Variants in KAZN observed in about 807,000 individuals in gnomAD.
The protein encoded by KAZN is kazrin.
A neutral mutation model predicts 87.4 loss-of-function variants in KAZN; 40 were observed. That is an observed-to-expected ratio of 0.46 (90% CI 0.36 to 0.60). The LOEUF (loss-of-function observed/expected upper bound fraction) is 0.60. KAZN is among the 20% of genes least tolerant of loss of function. The pLI is 0.00. For synonymous variants in KAZN, 466 were observed against 458.3 expected, an observed-to-expected ratio of 1.02 and a Z score of -0.22; for missense variants, 898 against 1,073.9, an observed-to-expected ratio of 0.84 and a Z score of 2.29.
chr1:15,002,382 C>G (rs1279715039), intron 2 of KAZN, among the ~76,000 whole-genome samples: 1 of 152,148 alleles, frequency 6.6e-6, no homozygotes, highest in Non-Finnish European at 1.5e-5. Flanking sequence ...GGCCAAGAGT[C>G]AATGGGTCTG....
At chr1:15,009,625 C>T (rs749638469) in intron 2 of KAZN, among the ~76,000 whole-genome samples, 10 of 152,174 alleles carry the variant, frequency 6.6e-5, no homozygotes, top group Non-Finnish European at 8.8e-5. Flanking sequence ...AGGAAGAGAG[C>T]GAGGACAAGG....
exon 1 of KAZN, chr1:13,893,574 C>A: frequency 6.6e-7 from 1 of 1,507,278 alleles, no homozygotes; most frequent in Non-Finnish European, 8.9e-7. Context: ...CTCAGATCTG[C>A]AGTTCCTGGG....
intron 1 of KAZN, among the ~76,000 whole-genome samples, chr1:14,699,398 G>A (rs1455305650): frequency 6.6e-6 from 1 of 152,212 alleles, no homozygotes; most frequent in Non-Finnish European, 1.5e-5. Context: ...GATACTCTGT[G>A]TTCATTTCAA....
chr1:14,662,575 A>G (rs1395325036), intron 1 of KAZN, among the ~76,000 whole-genome samples: 1 of 151,960 alleles, frequency 6.6e-6, no homozygotes, highest in African/African-American at 2.4e-5. Context: ...AGCTAAGTAC[A>G]TTTCTGTTTT....
At chr1:15,080,676 T>A (rs1033543883) in intron 8 of KAZN, among the ~76,000 whole-genome samples, 1 of 152,224 alleles carries the variant, frequency 6.6e-6, no homozygotes, top group Non-Finnish European at 1.5e-5. Flanking sequence ...ATGAAGTGTT[T>A]AAAAAATGAG....
chr1:14,186,521 G>A (rs1646310149), intron 2 of KAZN, among the ~76,000 whole-genome samples: 1 of 152,158 alleles, frequency 6.6e-6, no homozygotes, highest in South Asian at 2.1e-4. Context: ...GCGTGCTGTG[G>A]TTAGGACAAC....
At chr1:14,271,724 G>A (rs1035559443) in intron 2 of KAZN, among the ~76,000 whole-genome samples, 1 of 152,136 alleles carries the variant, frequency 6.6e-6, no homozygotes, top group African/African-American at 2.4e-5. Context: ...TAATTCTCAA[G>A]ATAGAGAATC....
chr1:14,240,749 G>A (rs1223037636), intron 2 of KAZN, among the ~76,000 whole-genome samples: 4 of 140,662 alleles, frequency 2.8e-5, no homozygotes, highest in African/African-American at 6.5e-5. Context: ...TAGCTGCACC[G>A]GGTCACTATT....
chr1:13,906,718 G>A (rs1639449589), intron 1 of KAZN, among the ~76,000 whole-genome samples: 1 of 152,178 alleles, frequency 6.6e-6, no homozygotes, highest in Non-Finnish European at 1.5e-5. Flanking sequence ...ACATTCACCT[G>A]GGACTGTCTC....
intron 1 of KAZN, among the ~76,000 whole-genome samples, chr1:14,129,791 G>C (rs12403548): frequency 0.11 from 16,435 of 152,258 alleles, 1,011 homozygotes; most frequent in Middle Eastern, 0.16. Context: ...GTGAGCGAGA[G>C]AGAGAGAGGT....
At chr1:14,162,607 C>T (rs550790444) in intron 1 of KAZN, among the ~76,000 whole-genome samples, 232 of 150,198 alleles carry the variant, frequency 1.5e-3, no homozygotes, top group African/African-American at 5.5e-3. Flanking sequence ...TGCAGTGGCA[C>T]GGTCTGGGCT....
At chr1:14,596,967 C>G (rs12118856), upstream of KAZN, among the ~76,000 whole-genome samples, 2 of 152,018 alleles carry the variant, frequency 1.3e-5, no homozygotes, top group African/African-American at 4.8e-5. Flanking sequence ...TTTGCTGGGT[C>G]GTATGGTAAT....
At chr1:14,398,088 C>T (rs1473843747) in intron 2 of KAZN, among the ~76,000 whole-genome samples, 1 of 152,172 alleles carries the variant, frequency 6.6e-6, no homozygotes, top group Non-Finnish European at 1.5e-5. Flanking sequence ...TAGCTGCTCG[C>T]TCCCTAGCCT....
At chr1:14,983,871 G>A (rs944193682) in intron 2 of KAZN, among the ~76,000 whole-genome samples, 1 of 152,168 alleles carries the variant, frequency 6.6e-6, no homozygotes, top group Admixed American at 6.5e-5. Flanking sequence ...GAACCCGGGA[G>A]GTGGAGGTTG....
At chr1:14,166,892 T>C (rs1645839563) in intron 1 of KAZN, among the ~76,000 whole-genome samples, 1 of 152,222 alleles carries the variant, frequency 6.6e-6, no homozygotes, top group African/African-American at 2.4e-5. Context: ...CTCCTCCAGG[T>C]ACAATGAGTG....
intron 5 of KAZN, among the ~76,000 whole-genome samples, chr1:15,058,294 A>G (rs544059283): frequency 1.3e-3 from 200 of 152,342 alleles, no homozygotes; most frequent in African/African-American, 4.7e-3. Flanking sequence ...AGGATGCCCA[A>G]GGTCACACAG....
intron 1 of KAZN, among the ~76,000 whole-genome samples, chr1:14,617,330 A>G (rs1382296382): frequency 6.6e-6 from 1 of 152,202 alleles, no homozygotes; most frequent in East Asian, 1.9e-4. Context: ...TAGCCTATTA[A>G]GTGTACAATA....
intron 2 of KAZN, among the ~76,000 whole-genome samples, chr1:14,187,784 A>G (rs1023899574): frequency 3.3e-5 from 5 of 152,150 alleles, no homozygotes; most frequent in Admixed American, 3.3e-4. Flanking sequence ...GAGAAACCCT[A>G]CTTTAGGTCC....
At chr1:15,047,664 G>A (rs1046320512) in intron 4 of KAZN, among the ~76,000 whole-genome samples, 16 of 152,074 alleles carry the variant, frequency 1.1e-4, no homozygotes, top group East Asian at 1.9e-4. Flanking sequence ...CCAGCTCCTC[G>A]GGAGGCTGAG....
Sources: gnomAD v4.1 joint callset for allele counts (sites outside exome capture counted in the v4.1 genomes callset) on GRCh38, gnomAD v4.1.1 for gene constraint, MANE v1.5 for transcripts, NCBI Gene and HGNC (gene_info 2026-07-23, HGNC 2026-07-21) for gene names.